RASAL2: variants seen among roughly 807,000 people sequenced by gnomAD.
RASAL2 encodes RAS protein activator like 2, also known as ras GTPase-activating protein nGAP.
RASAL2 carries 58 observed loss-of-function variants against 128.9 expected under a neutral mutation model. That is an observed-to-expected ratio of 0.45 (90% CI 0.36 to 0.56). RASAL2 has a LOEUF of 0.56. Among genes scored for constraint, RASAL2 ranks in the 20% least tolerant of loss-of-function variants. RASAL2 has a pLI of 0.00. For missense variants in RASAL2, 1,360 were observed against 1,601.6 expected, an observed-to-expected ratio of 0.85 and a Z score of 2.57; for synonymous variants, 561 against 580.8, an observed-to-expected ratio of 0.97 and a Z score of 0.49.
At chr1:178,376,934 C>G (rs1176190775) in intron 3 of RASAL2, among the ~76,000 whole-genome samples, 1 of 152,064 alleles carries the variant, frequency 6.6e-6, no homozygotes, top group Non-Finnish European at 1.5e-5. Flanking sequence ...AGTCCCATAA[C>G]CTTTTCAGGT....
At chr1:178,214,624 T>C (rs991641970) in intron 1 of RASAL2, among the ~76,000 whole-genome samples, 1 of 151,178 alleles carries the variant, frequency 6.6e-6, no homozygotes, top group African/African-American at 2.4e-5. Flanking sequence ...AGTGGCGCAA[T>C]CTCGGCTCAC....
At position 178,474,149 on chromosome 1, in the gene RASAL2, G is replaced by T. The variant is rs1648514358; in HGVS notation, c.*910G>T. 6.6e-6 allele frequency: 1 copy of T among 152,606 alleles called. No homozygotes were observed. The highest frequency in any genetic ancestry group is 2.4e-5 in the African/African-American group (1 of 41,442). The allele number at this position is 152,606 out of a possible 1,614,324, so 9.5% of individuals were successfully genotyped here. ...AGTGGGAGCTGTCATCACCAACAGGGTTTACTCTCCCCTGGAGAGGTTATT... is the reference window on the plus strand; with the variant it reads ...AGTGGGAGCTGTCATCACCAACAGGTTTTACTCTCCCCTGGAGAGGTTATT... On this transcript the variant is annotated 3_prime_UTR_variant, in exon 18 of 18. Transcript: ENST00000367649.
At chr1:178,206,009 A>G (rs534334031) in intron 1 of RASAL2, among the ~76,000 whole-genome samples, 2 of 152,124 alleles carry the variant, frequency 1.3e-5, no homozygotes, top group South Asian at 2.1e-4. Context: ...TTTCCTTGAC[A>G]TTGTTATCCT....
At position 178,110,650 on chromosome 1, in the gene RASAL2, A is replaced by ATG. The variant is rs1553250959; in HGVS notation, c.202+15957_202+15958insGT. On this transcript the variant is annotated intron_variant, in intron 1 of 17. Coordinates refer to ENST00000367649, the MANE Select transcript of RASAL2 (RefSeq NM_170692.4). ...ATATAGTGTATACATATATATATAT[A>ATG]TATGTATGTATACTGCAAACTCCAC... 4.4e-3 allele frequency among the ~76,000 whole-genome samples: 608 copies of ATG among 139,156 alleles called. 7 individuals are homozygous for ATG. Among genetic ancestry groups the ATG allele is most frequent in the Non-Finnish European group, 5.0e-3 (323 of 65,178 alleles). 91.3% of individuals were successfully genotyped at this position (139,156 alleles called of 152,430 possible). A position where few individuals can be genotyped will look rare whatever the true frequency, so the allele number is the denominator to read the frequency against.
At position 178,142,553 on chromosome 1, in the gene RASAL2, A is replaced by T. The variant is rs74128863; in HGVS notation, c.202+47859A>T. Among the ~76,000 whole-genome samples, 840 of 152,258 alleles carry T rather than the reference A, an allele frequency of 5.5e-3. 10 individuals carry two copies. The highest frequency in any genetic ancestry group is 0.019 in the African/African-American group (787 of 41,542). On this transcript the variant is annotated intron_variant, in intron 1 of 17. Transcript: ENST00000367649. ...TCTTTGGGGAGAGTTTCGGATTCTT[A>T]GTAAGGCTAAAGGCAACAGAGCAGG...
chr1:178,145,190 T>G (rs1281932854), intron 1 of RASAL2, among the ~76,000 whole-genome samples: 1 of 152,088 alleles, frequency 6.6e-6, no homozygotes, highest in Non-Finnish European at 1.5e-5. Context: ...GAAACATATA[T>G]CACATGACAA....
chr1:178,382,049 A>C (rs1440789695), intron 3 of RASAL2, among the ~76,000 whole-genome samples: 1 of 152,174 alleles, frequency 6.6e-6, no homozygotes, highest in African/African-American at 2.4e-5. Flanking sequence ...TTCTTTGCAA[A>C]ACCTAAAATA....
chr1:178,392,289 A>C (rs1672960588), intron 4 of RASAL2, among the ~76,000 whole-genome samples: 1 of 152,216 alleles, frequency 6.6e-6, no homozygotes, highest in East Asian at 1.9e-4. Flanking sequence ...TCAAAGTCTG[A>C]AAGAAAATAA....
Position 178,360,630 on chromosome 1 carries a change from T to C in RASAL2, c.458-29470T>C, listed in dbSNP as rs539562105. On this transcript the variant is annotated intron_variant, in intron 3 of 17. Transcript: ENST00000367649. ...TACAGGCTGCTCCACTGCAGCACCT[T>C]GTTCAGGGTTTTATTTTACCAGGGC... 6.6e-5 allele frequency among the ~76,000 whole-genome samples: 10 copies of C among 152,362 alleles called. No individual in the cohort carries two copies. The East Asian group carries it at 1.9e-3, about 29-fold the overall frequency.
At chr1:178,265,211 A>C (rs998202020) in intron 1 of RASAL2, among the ~76,000 whole-genome samples, 1 of 152,118 alleles carries the variant, frequency 6.6e-6, no homozygotes, top group African/African-American at 2.4e-5. Context: ...CAAATGTTCA[A>C]ATGGAACTAT....
At chr1:178,198,925 T>G (rs551014578) in intron 1 of RASAL2, among the ~76,000 whole-genome samples, 5 of 152,248 alleles carry the variant, frequency 3.3e-5, no homozygotes, top group African/African-American at 1.2e-4. Flanking sequence ...CCCCCAGAGG[T>G]GGAGTCTACA....
intron 4 of RASAL2, among the ~76,000 whole-genome samples, chr1:178,397,879 G>A (rs1673351032): frequency 6.6e-6 from 1 of 151,680 alleles, no homozygotes; most frequent in African/African-American, 2.4e-5. Context: ...GTCTTCTAAA[G>A]TGCTGGGATT....
intron 1 of RASAL2, among the ~76,000 whole-genome samples, chr1:178,204,562 A>G (rs1389721199): frequency 6.6e-6 from 1 of 152,196 alleles, no homozygotes; most frequent in African/African-American, 2.4e-5. Context: ...CCAGAACAAA[A>G]CTACTTGCTG....
intron 2 of RASAL2, among the ~76,000 whole-genome samples, chr1:178,289,413 G>A (rs1326993998): frequency 6.6e-6 from 1 of 151,966 alleles, no homozygotes; most frequent in Non-Finnish European, 1.5e-5. Context: ...CTCATTTATA[G>A]TCTTGAGACT....
chr1:178,336,490 G>A (rs533254078), intron 3 of RASAL2, among the ~76,000 whole-genome samples: 8 of 152,154 alleles, frequency 5.3e-5, no homozygotes, highest in African/African-American at 1.9e-4. Flanking sequence ...TACTGAAACT[G>A]AGTGTTATCT....
intron 2 of RASAL2, among the ~76,000 whole-genome samples, chr1:178,295,390 C>T (rs987715425): frequency 1.2e-4 from 18 of 152,142 alleles, no homozygotes; most frequent in Non-Finnish European, 1.6e-4. Context: ...CCAGCAGGCC[C>T]TGGTGTCTGT....
chr1:178,457,735 A>G lies in RASAL2; in HGVS notation c.2443A>G (p.Arg815Gly). The G allele has an allele frequency of 6.2e-7, 1 of 1,614,190 alleles. No homozygotes were observed. Among genetic ancestry groups the G allele is most frequent in the Non-Finnish European group, 8.5e-7 (1 of 1,180,006 alleles). ...PSQDNTDSYF[R>G]GKTLLLVQQA... ...CCAGGACAACACAGACAGCTACTTCAGAGGGAAAACATTATTGCTGGTTCA... is the reference window on the plus strand; with the variant it reads ...CCAGGACAACACAGACAGCTACTTCGGAGGGAAAACATTATTGCTGGTTCA... The change falls in exon 14 of 18, where the codon AGA becomes GGA. Residue 815 changes from arginine (R) to glycine (G), a missense_variant. Physicochemically the swap from Arg to Gly is moderately radical, Grantham distance 125. Around this residue, in one of 3 missense-constraint regions of RASAL2, gnomAD observed 741 missense variants for 868.6 expected, o/e 0.85. Coordinates refer to ENST00000367649, the MANE Select transcript of RASAL2 (RefSeq NM_170692.4).
At chr1:178,300,872 G>A (rs1047324719) in intron 3 of RASAL2, among the ~76,000 whole-genome samples, 6 of 152,180 alleles carry the variant, frequency 3.9e-5, no homozygotes, top group African/African-American at 4.8e-5. Context: ...AGTAGGAATT[G>A]TTTTGGTGCT....
intron 4 of RASAL2, among the ~76,000 whole-genome samples, chr1:178,405,157 A>ATAG (rs1179762601): frequency 2.6e-5 from 4 of 152,200 alleles, no homozygotes; most frequent in African/African-American, 9.7e-5. Context: ...GCAAGATTAC[A>ATAG]TATACACTTA....
Sources: gnomAD v4.1 joint callset for allele counts (sites outside exome capture counted in the v4.1 genomes callset) on GRCh38, gnomAD v4.1.1 for gene constraint, gnomAD v4.1.1 regional missense constraint, MANE v1.5 for transcripts, NCBI Gene and HGNC (gene_info 2026-07-23, HGNC 2026-07-21) for gene names.